Variants in ATP6V0A2 observed in about 807,000 individuals in gnomAD.
ATP6V0A2 encodes ATPase H+ transporting V0 subunit a2, also known as V-type proton ATPase 116 kDa subunit a 2.
ATP6V0A2 carries 58 observed loss-of-function variants against 104.4 expected under a neutral mutation model. That is an observed-to-expected ratio of 0.56 (90% confidence interval 0.45 to 0.69). The LOEUF is 0.69. Ranked by LOEUF, ATP6V0A2 falls within the 30% of genes least tolerant of loss-of-function variation. ATP6V0A2 has a pLI of 0.00. For missense variants in ATP6V0A2, 938 were observed against 1,062.9 expected (o/e 0.88, Z 1.63); for synonymous variants, 376 against 397.9 (o/e 0.95, Z 0.65).
chr12:123,740,581 A>G (rs924743611), intron 9 of ATP6V0A2, among the ~76,000 whole-genome samples: 3 of 152,024 alleles, frequency 2.0e-5, no homozygotes, highest in African/African-American at 7.2e-5. Flanking sequence ...TGGTTTTGTT[A>G]ATTTCATAAA....
chr12:123,755,899 G>A (rs996315529), intron 18 of ATP6V0A2, among the ~76,000 whole-genome samples: 10 of 151,780 alleles, frequency 6.6e-5, no homozygotes, highest in African/African-American at 2.2e-4. Flanking sequence ...TGGCTAACAC[G>A]TGAAACCCTG....
intron 9 of ATP6V0A2, 71 bp downstream of exon 9, chr12:123,737,342 A>C (rs1956565542): frequency 6.8e-7 from 1 of 1,468,904 alleles, no homozygotes; most frequent in South Asian, 1.2e-5. Flanking sequence ...TCAGAGAAAA[A>C]AAGGAAGTGA....
At chr12:123,747,470 G>A (rs1006220396) in intron 13 of ATP6V0A2, 137 bp from the exon 14 acceptor site, 3 of 726,398 alleles carry the variant, frequency 4.1e-6, no homozygotes, top group East Asian at 5.0e-5. Flanking sequence ...CAGATTGAAA[G>A]CATCAAAAGA....
At position 123,737,152 on chromosome 12, in the gene ATP6V0A2, G is replaced by T; in HGVS notation, c.919G>T (p.Ala307Ser). The T allele has an allele frequency of 1.2e-6, 2 of 1,614,160 alleles. No homozygotes were observed. The highest frequency in any genetic ancestry group is 1.7e-6 in the Non-Finnish European group (2 of 1,180,024). Residue 307 changes from alanine to serine, a missense_variant, in exon 9 of 20, where the codon GCC becomes TCC. Transcript: ENST00000330342. ...TGTGATCCAGGTGAAGAAAATGAAGGCCATCTATCACATGCTGAACATGTG... is the reference window on the plus strand; with the variant it reads ...TGTGATCCAGGTGAAGAAAATGAAGTCCATCTATCACATGCTGAACATGTG... ...SRVIQVKKMK[A>S]IYHMLNMCSF...
chr12:123,754,483 A>T lies in ATP6V0A2; in HGVS notation c.2239A>T (p.Ile747Phe). 6.2e-7 allele frequency: 1 copy of T among 1,614,206 alleles called. No homozygotes were observed. Among genetic ancestry groups the T allele is most frequent in the Non-Finnish European group, 8.5e-7 (1 of 1,180,034 alleles). Residue 747 changes from isoleucine to phenylalanine, a missense_variant, in exon 18 of 20, where the codon ATC becomes TTC. Coordinates refer to ENST00000330342, the MANE Select transcript of ATP6V0A2 (RefSeq NM_012463.4). ...TTCCATCGAGTACTGTCTGGGATGC[A>T]TCTCCAACACCGCCTCCTACCTGAG... ...IHSIEYCLGC[I>F]SNTASYLRLW...
At chr12:123,746,739 G>A (rs1282760759) in intron 13 of ATP6V0A2, among the ~76,000 whole-genome samples, 3 of 151,720 alleles carry the variant, frequency 2.0e-5, no homozygotes, top group Non-Finnish European at 4.4e-5. Context: ...CTGAGGTCAG[G>A]AGTTTGAGAC....
rs71308012 is a variant in ATP6V0A2, at chr12:123,729,322, G to GT, written c.648+1424dup. On this transcript the variant is annotated intron_variant, in intron 6 of 19. Transcript: ENST00000330342. ...AATCAACTGTTTCTTCAAGGAGGCT[G>GT]TTTTTTTTTTTGAGTGCAAATCTTG... Among the ~76,000 whole-genome samples the GT allele has an allele frequency of 1.4e-3, 158 of 113,848 alleles. 9 individuals are homozygous for GT. The highest frequency in any genetic ancestry group is 2.9e-3 in the African/African-American group (86 of 29,776). 74.7% of individuals were successfully genotyped at this position (113,848 alleles called of 152,430 possible).
chr12:123,712,775 G>A, intron 1 of ATP6V0A2, 93 bp downstream of exon 1: 2 of 1,085,254 alleles, frequency 1.8e-6, no homozygotes, highest in South Asian at 1.3e-5. Flanking sequence ...GAGCACCGAG[G>A]AAGGGCGCGC....
At chr12:123,725,940 T>C (rs921243377) in intron 4 of ATP6V0A2, among the ~76,000 whole-genome samples, 2 of 152,246 alleles carry the variant, frequency 1.3e-5, no homozygotes, top group African/African-American at 4.8e-5. Context: ...AAAGTTACTC[T>C]ATCTTGGATG....
chr12:123,729,694 T>C (rs1172341357), intron 6 of ATP6V0A2, among the ~76,000 whole-genome samples: 1 of 152,216 alleles, frequency 6.6e-6, no homozygotes, highest in Non-Finnish European at 1.5e-5. Flanking sequence ...TTGGTTTTCT[T>C]AATTTTGAGG....
Position 123,724,646 on chromosome 12 carries a change from T to C in ATP6V0A2, c.295-8T>C. On this transcript the variant is annotated splice_polypyrimidine_tract_variant and splice_region_variant and intron_variant, in intron 3 of 19. Coordinates refer to ENST00000330342, the MANE Select transcript of ATP6V0A2 (RefSeq NM_012463.4). ...CTACCCTCTTAAGTAACCATTGTTT[T>C]GTTTTAGGAGCAGTTGCAGAAGCTC... 1 of 1,613,826 alleles carries C rather than the reference T, an allele frequency of 6.2e-7. No individual in the cohort carries two copies. The highest frequency in any genetic ancestry group is 1.1e-5 in the South Asian group (1 of 91,084).
intron 14 of ATP6V0A2, among the ~76,000 whole-genome samples, chr12:123,748,071 T>G (rs1956679164): frequency 6.6e-6 from 1 of 152,202 alleles, no homozygotes; most frequent in African/African-American, 2.4e-5. Context: ...CTTGCCATAT[T>G]CCTTTTTTAT....
chr12:123,746,409 A>C (rs1288990912), intron 13 of ATP6V0A2, among the ~76,000 whole-genome samples: 1 of 152,040 alleles, frequency 6.6e-6, no homozygotes, highest in Non-Finnish European at 1.5e-5. Context: ...CTCAGCCCTG[A>C]ATACCTCATT....
At position 123,760,307 on chromosome 12, in the gene ATP6V0A2, T is replaced by C. The variant is rs556954860; in HGVS notation, c.*2275T>C. ...GTAGTATTTATGTAGAATGTCATTA[T>C]ATGAAAAGCGAATTCAGAATCCTAA... On this transcript the variant is annotated 3_prime_UTR_variant, in exon 20 of 20. Transcript: ENST00000330342. The C allele has an allele frequency of 1.1e-4, 17 of 152,366 alleles. No individual in the cohort carries two copies. In the South Asian group the frequency reaches 2.5e-3, roughly 22 times the overall value. The allele number at this position is 152,366 out of a possible 1,614,324, so 9.4% of individuals were successfully genotyped here.
rs1182736419 is a variant in ATP6V0A2, at chr12:123,748,566, C to T, written c.1725-9C>T. The stretch of plus-strand genomic sequence containing the variant: ...GTTCGTGGGTTGATTGATTCCTTTT[C>T]TTTCCTAGGCACTTCAGGAAGAAGT... On this transcript the variant is annotated splice_polypyrimidine_tract_variant and intron_variant, in intron 14 of 19. Transcript: ENST00000330342. 3 of 1,607,398 alleles carry T rather than the reference C, an allele frequency of 1.9e-6. No homozygotes were observed. Among genetic ancestry groups the T allele is most frequent in the African/African-American group, 1.3e-5 (1 of 74,788 alleles).
In ATP6V0A2 at chr12:123,744,759, G is replaced by A; in HGVS notation, c.1489G>A (p.Glu497Lys). The part of the protein sequence containing the change: ...AMYSSSHPPA[E>K]HKKMVLWNDS... Reference sequence around the variant, plus strand: ...GTACAGCTCCAGCCACCCACCCGCAGAGCATAAGAAGATGGTGCTTTGGAA... The same window carrying A: ...GTACAGCTCCAGCCACCCACCCGCAAAGCATAAGAAGATGGTGCTTTGGAA... The change falls in exon 12 of 20, where the codon GAG becomes AAG. Residue 497 changes from glutamate (E) to lysine (K), a missense_variant. Glu to Lys is a moderately conservative substitution (Grantham distance 56). Transcript: ENST00000330342. This position sits in a 1 kb window ranked among gnomAD's most constrained non-coding sequence, Gnocchi z 5.4. 5 of 1,614,170 alleles carry A rather than the reference G, an allele frequency of 3.1e-6. No homozygotes were observed. Among genetic ancestry groups the A allele is most frequent in the Non-Finnish European group, 3.4e-6 (4 of 1,180,016 alleles).
Position 123,737,263 on chromosome 12 carries a change from GA to G in ATP6V0A2, c.1031del (p.Glu344GlyfsTer14), listed in dbSNP as rs1231363717. On this transcript the variant is annotated frameshift_variant, in exon 9 of 20. Transcript: ENST00000330342. LOFTEE classifies it high-confidence loss of function. ...GCAGGACCTGCGCCGGGCACTGGAGGAGGGCTCGGTAAGGCTGCCTTCCTCT... is the reference window on the plus strand; with the variant it reads ...GCAGGACCTGCGCCGGGCACTGGAGGGGGCTCGGTAAGGCTGCCTTCCTCT... The part of the protein sequence containing the change: ...DLQDLRRALE[E>X]GSRESGATIP... 7 of 1,614,188 alleles carry G rather than the reference GA, an allele frequency of 4.3e-6. No homozygotes were observed. Among genetic ancestry groups the G allele is most frequent in the Non-Finnish European group, 5.9e-6 (7 of 1,180,040 alleles).
At chr12:123,737,298 A>G (rs958282017) in intron 9 of ATP6V0A2, 27 bp downstream of exon 9, 11 of 1,603,618 alleles carry the variant, frequency 6.9e-6, no homozygotes, top group Middle Eastern at 3.3e-4. Context: ...CTCCTCTGCC[A>G]GGAACAGAAG....
intron 7 of ATP6V0A2, among the ~76,000 whole-genome samples, chr12:123,734,514 G>A (rs1956532474): frequency 6.6e-6 from 1 of 152,172 alleles, no homozygotes; most frequent in South Asian, 2.1e-4. Context: ...CTGTAAAAGG[G>A]GAGAGTGATT....
Sources: gnomAD v4.1 joint callset for allele counts (sites outside exome capture counted in the v4.1 genomes callset) on GRCh38, gnomAD v4.1.1 for gene constraint, Gnocchi (gnomAD v3.1) non-coding constraint, MANE v1.5 for transcripts, NCBI Gene and HGNC (gene_info 2026-07-23, HGNC 2026-07-21) for gene names.